The following GALNTL6 variants were observed in gnomAD, a reference collection of about 807,000 sequenced individuals.
GALNTL6 encodes polypeptide N-acetylgalactosaminyltransferase like 6.
Under a neutral mutation model 73.7 loss-of-function variants are expected in GALNTL6, and 46 were observed. The observed-to-expected ratio is 0.62, with a 90% CI of 0.49 to 0.80. The LOEUF is 0.80. Ranked by LOEUF, GALNTL6 falls within the 30% of genes least tolerant of loss-of-function variation. GALNTL6 has a pLI of 0.00. For synonymous variants in GALNTL6, 259 were observed against 263.7 expected, an observed-to-expected ratio of 0.98 and a Z score of 0.17; for missense variants, 604 against 755.0, an observed-to-expected ratio of 0.80 and a Z score of 2.34.
intron 2 of GALNTL6, among the ~76,000 whole-genome samples, chr4:172,133,182 T>C (rs1733546521): frequency 6.6e-6 from 1 of 152,178 alleles, no homozygotes. Context: ...CAGCAACACA[T>C]ACAAATATAA....
At chr4:171,919,695 A>G (rs189333999) in intron 2 of GALNTL6, among the ~76,000 whole-genome samples, 2 of 152,244 alleles carry the variant, frequency 1.3e-5, no homozygotes, top group East Asian at 3.9e-4. Context: ...ACAAAAAAAA[A>G]GAAAGAAAGG....
At chr4:172,634,906 T>C (rs374296120) in intron 5 of GALNTL6, among the ~76,000 whole-genome samples, 1 of 152,198 alleles carries the variant, frequency 6.6e-6, no homozygotes, top group African/African-American at 2.4e-5. Flanking sequence ...AAAGAAAATA[T>C]CTGAGCATCA....
intron 2 of GALNTL6, among the ~76,000 whole-genome samples, chr4:171,874,791 T>C (rs893235933): frequency 6.6e-6 from 1 of 152,202 alleles, no homozygotes; most frequent in Non-Finnish European, 1.5e-5. Flanking sequence ...AGAAGCCTTG[T>C]GCTAGATCCT....
At chr4:171,981,902 A>G (rs1739907727) in intron 2 of GALNTL6, among the ~76,000 whole-genome samples, 1 of 151,884 alleles carries the variant, frequency 6.6e-6, no homozygotes. Context: ...AAAAATGTAA[A>G]TATTTATATA....
intron 5 of GALNTL6, among the ~76,000 whole-genome samples, chr4:172,622,165 T>C (rs902186813): frequency 2.6e-5 from 4 of 152,160 alleles, no homozygotes; most frequent in Non-Finnish European, 4.4e-5. Flanking sequence ...AAGATAGTTA[T>C]GAAAAATAGT....
At chr4:172,886,941 G>C (rs1482653928) in intron 8 of GALNTL6, among the ~76,000 whole-genome samples, 1 of 152,128 alleles carries the variant, frequency 6.6e-6, no homozygotes, top group Non-Finnish European at 1.5e-5. Flanking sequence ...CACATAGTGA[G>C]CATGGTACAC....
chr4:172,769,197 A>G (rs1159754655), intron 5 of GALNTL6, among the ~76,000 whole-genome samples: 1 of 152,162 alleles, frequency 6.6e-6, no homozygotes, highest in Non-Finnish European at 1.5e-5. Flanking sequence ...GTGTTAGAGT[A>G]GTTAGAGTAG....
intron 10 of GALNTL6, among the ~76,000 whole-genome samples, chr4:173,000,668 C>T (rs1752006631): frequency 6.6e-6 from 1 of 152,122 alleles, no homozygotes; most frequent in Non-Finnish European, 1.5e-5. Context: ...TACAAAGCTA[C>T]AGTAATCCAA....
At chr4:172,908,362 C>A (rs1747016752) in intron 8 of GALNTL6, among the ~76,000 whole-genome samples, 1 of 151,972 alleles carries the variant, frequency 6.6e-6, no homozygotes, top group African/African-American at 2.4e-5. Flanking sequence ...TATCTATTTT[C>A]TTAATGAGAA....
At chr4:172,179,276 TG>T (rs1367759856) in intron 2 of GALNTL6, among the ~76,000 whole-genome samples, 1 of 151,656 alleles carries the variant, frequency 6.6e-6, no homozygotes, top group Admixed American at 6.6e-5. Context: ...CCACCAACAG[TG>T]TAAAAGTATT....
intron 2 of GALNTL6, among the ~76,000 whole-genome samples, chr4:172,138,477 CTATA>C (rs1414149880): frequency 0.02 from 172 of 8,686 alleles, 8 homozygotes; most frequent in African/African-American, 0.026. Flanking sequence ...CTTGGACTGC[CTATA>C]TATATATATA....
chr4:172,104,717 T>G (rs888742757), intron 2 of GALNTL6, among the ~76,000 whole-genome samples: 3 of 152,182 alleles, frequency 2.0e-5, no homozygotes, highest in Admixed American at 1.3e-4. Context: ...AAGAGTGGGT[T>G]GATAGTCATG....
intron 5 of GALNTL6, among the ~76,000 whole-genome samples, chr4:172,402,416 C>T (rs1482662060): frequency 1.3e-5 from 2 of 152,034 alleles, no homozygotes; most frequent in African/African-American, 4.8e-5. Flanking sequence ...TGCTACCTTT[C>T]AGTAACAAAA....
intron 2 of GALNTL6, among the ~76,000 whole-genome samples, chr4:172,196,668 A>G (rs1011365048): frequency 6.6e-6 from 1 of 152,242 alleles, no homozygotes; most frequent in Non-Finnish European, 1.5e-5. Context: ...GTAAGTTATC[A>G]CACAAACAGA....
chr4:172,380,007 A>G (rs982920437), intron 5 of GALNTL6: 6 of 906,884 alleles, frequency 6.6e-6, no homozygotes, highest in Admixed American at 5.5e-5. Context: ...GAAGTGATGC[A>G]TACTTGATGA....
chr4:172,066,275 G>A lies in GALNTL6; in HGVS notation c.139-163381G>A, dbSNP rs527685690. ...ATATCGCTCCCTACTCCCAACTCCT[G>A]GAAGCCACTGATCTCTTTACTATCT... is the stretch of plus-strand genomic sequence containing the variant. On this transcript the variant is annotated intron_variant, in intron 2 of 12. Transcript: ENST00000506823. Among the ~76,000 whole-genome samples the A allele has an allele frequency of 1.5e-3, 235 of 152,150 alleles. 2 individuals are homozygous for A. Among genetic ancestry groups the A allele is most frequent in the Middle Eastern group, 0.014 (4 of 294 alleles).
intron 12 of GALNTL6, among the ~76,000 whole-genome samples, chr4:173,022,484 T>A: frequency 6.6e-6 from 1 of 152,232 alleles, no homozygotes; most frequent in South Asian, 2.1e-4. Context: ...GCATACATAA[T>A]TTTTAACATC....
chr4:172,453,853 A>G (rs1732301813), intron 5 of GALNTL6, among the ~76,000 whole-genome samples: 1 of 152,250 alleles, frequency 6.6e-6, no homozygotes, highest in Admixed American at 6.5e-5. Flanking sequence ...AGTCCAGAGT[A>G]CTAAATGACA....
At chr4:173,015,755 A>G (rs1360231208) in intron 11 of GALNTL6, among the ~76,000 whole-genome samples, 1 of 152,216 alleles carries the variant, frequency 6.6e-6, no homozygotes, top group Non-Finnish European at 1.5e-5. Flanking sequence ...AAATTTCTGG[A>G]GATAAATTCC....
Sources: gnomAD v4.1 joint callset for allele counts (sites outside exome capture counted in the v4.1 genomes callset) on GRCh38, gnomAD v4.1.1 for gene constraint, MANE v1.5 for transcripts, NCBI Gene and HGNC (gene_info 2026-07-23, HGNC 2026-07-21) for gene names.